JMJD1C: variants seen among roughly 807,000 people sequenced by gnomAD.
JMJD1C encodes the protein jumonji domain-containing protein 1C.
A neutral mutation model predicts 245.3 loss-of-function variants in JMJD1C; 31 were observed. That is an observed-to-expected ratio of 0.13 (90% CI 0.09 to 0.17). JMJD1C has a LOEUF of 0.17. JMJD1C is among the 10% of genes least tolerant of loss of function. JMJD1C has a pLI of 1.00. For synonymous variants in JMJD1C, 1,057 were observed against 1,017.4 expected (o/e 1.04, Z -0.74); for missense variants, 2,691 against 3,000.2 (o/e 0.90, Z 2.41).
At chr10:63,401,325 A>G (rs910950510) in intron 1 of JMJD1C, among the ~76,000 whole-genome samples, 2 of 152,182 alleles carry the variant, frequency 1.3e-5, no homozygotes, top group Non-Finnish European at 2.9e-5. Context: ...AAAAGACTTA[A>G]TATTCCTTGT....
At chr10:63,377,232 G>A (rs1946813230) in intron 2 of JMJD1C, among the ~76,000 whole-genome samples, 1 of 152,126 alleles carries the variant, frequency 6.6e-6, no homozygotes, top group African/African-American at 2.4e-5. Context: ...GTAGAATGGT[G>A]GGCCAGGAAG....
intron 1 of JMJD1C, among the ~76,000 whole-genome samples, chr10:63,408,367 C>A (rs1282296352): frequency 6.6e-6 from 1 of 151,742 alleles, no homozygotes; most frequent in African/African-American, 2.4e-5. Flanking sequence ...CGCGCCATTG[C>A]ACTCCAGCCT....
intron 3 of JMJD1C, among the ~76,000 whole-genome samples, chr10:63,229,907 A>T (rs145778233): frequency 1.1e-3 from 172 of 152,342 alleles, no homozygotes; most frequent in African/African-American, 4.1e-3. Flanking sequence ...AGGCTATTTT[A>T]AAAAACCCAA....
intron 1 of JMJD1C, among the ~76,000 whole-genome samples, chr10:63,397,821 CCA>C (rs1230392240): frequency 1.3e-5 from 2 of 152,166 alleles, no homozygotes; most frequent in African/African-American, 4.8e-5. Context: ...CAGGCATGAA[CCA>C]CAGTGTCTGG....
chr10:63,229,688 G>C (rs902381646), intron 3 of JMJD1C, among the ~76,000 whole-genome samples: 1 of 152,142 alleles, frequency 6.6e-6, no homozygotes, highest in Admixed American at 6.6e-5. Context: ...AAATCAGAAT[G>C]ATGTTTAGAT....
chr10:63,357,270 T>C (rs1944925979), intron 2 of JMJD1C, among the ~76,000 whole-genome samples: 1 of 152,040 alleles, frequency 6.6e-6, no homozygotes, highest in South Asian at 2.1e-4. Context: ...CTTGACCTCA[T>C]GGTCACACAA....
chr10:63,277,760 CAG>C (rs1359796263), intron 2 of JMJD1C, among the ~76,000 whole-genome samples: 27 of 38,152 alleles, frequency 7.1e-4, no homozygotes, highest in Non-Finnish European at 1.3e-3. Context: ...TTTTTTGAGA[CAG>C]AGTCTTGCTC....
chr10:63,224,144 C>T (rs1848968913), intron 3 of JMJD1C, among the ~76,000 whole-genome samples: 1 of 152,188 alleles, frequency 6.6e-6, no homozygotes. Context: ...CATTAATTAT[C>T]TAGCGGAAAT....
chr10:63,380,830 T>C (rs1337681423), intron 1 of JMJD1C, among the ~76,000 whole-genome samples: 3 of 152,198 alleles, frequency 2.0e-5, no homozygotes, highest in Non-Finnish European at 4.4e-5. Context: ...GGAATGTAAA[T>C]TAGTACCTCC....
intron 2 of JMJD1C, among the ~76,000 whole-genome samples, chr10:63,285,221 T>G (rs10995492): frequency 0.078 from 11,897 of 152,118 alleles, 703 homozygotes; most frequent in East Asian, 0.29. Flanking sequence ...ATTAATGACT[T>G]AACAACACCT....
At chr10:63,427,223 C>T (rs1201675100) in intron 1 of JMJD1C, 4 of 167,402 alleles carry the variant, frequency 2.4e-5, no homozygotes, top group East Asian at 1.6e-4. Context: ...CGCCGAGCTC[C>T]GGTCCCCGCG....
intron 2 of JMJD1C, among the ~76,000 whole-genome samples, chr10:63,365,543 G>A (rs1945761947): frequency 6.6e-6 from 1 of 152,138 alleles, no homozygotes; most frequent in South Asian, 2.1e-4. Flanking sequence ...GGCTGAGGCA[G>A]GTGGATCACG....
intron 2 of JMJD1C, among the ~76,000 whole-genome samples, chr10:63,279,741 G>A (rs1380514608): frequency 6.6e-6 from 1 of 152,208 alleles, no homozygotes; most frequent in African/African-American, 2.4e-5. Context: ...AGATGACAAA[G>A]CAAGACCCTG....
At chr10:63,460,891 A>G (rs1368692581) in intron 1 of JMJD1C, among the ~76,000 whole-genome samples, 4 of 152,196 alleles carry the variant, frequency 2.6e-5, no homozygotes, top group African/African-American at 9.7e-5. Context: ...GAATGAAAAC[A>G]TTCCCTATTT....
chr10:63,193,970 T>A (rs1008242608), intron 14 of JMJD1C, among the ~76,000 whole-genome samples: 3 of 152,202 alleles, frequency 2.0e-5, no homozygotes, highest in African/African-American at 7.2e-5. Flanking sequence ...CCAGCCAAAT[T>A]TATGTTCTCT....
At chr10:63,183,167 A>C (rs565805180) in intron 22 of JMJD1C, among the ~76,000 whole-genome samples, 2 of 152,292 alleles carry the variant, frequency 1.3e-5, no homozygotes, top group South Asian at 4.1e-4. Context: ...AGCCTCAATA[A>C]ATGTTTACAA....
Position 63,197,499 on chromosome 10 carries a change from T to C in JMJD1C, c.5556A>G (p.Thr1852=). 2 of 1,609,866 alleles carry C rather than the reference T, an allele frequency of 1.2e-6. No individual in the cohort carries two copies. Among genetic ancestry groups the C allele is most frequent in the Non-Finnish European group, 1.7e-6 (2 of 1,178,752 alleles). ...GGCAGACCCAGTGAATGTTAAACAA[T>C]GTTGCTTCACATGCATCACACATCT... The part of the protein sequence containing the change: ...VREMCDACEA[T]LFNIHWVCQK... Residue 1852 remains threonine, a synonymous_variant, in exon 13 of 26, where the codon ACA becomes ACG. Coordinates refer to ENST00000399262, the MANE Select transcript of JMJD1C (RefSeq NM_032776.3).
chr10:63,234,512 A>AAAAAAC (rs1850455434), intron 3 of JMJD1C, among the ~76,000 whole-genome samples: 1 of 149,868 alleles, frequency 6.7e-6, no homozygotes, highest in African/African-American at 2.5e-5. Flanking sequence ...AAAAAAAAAA[A>AAAAAAC]AAAAAAAAAC....
chr10:63,482,524 T>C (rs1953861431), intron 1 of JMJD1C, among the ~76,000 whole-genome samples: 1 of 152,000 alleles, frequency 6.6e-6, no homozygotes, highest in Non-Finnish European at 1.5e-5. Flanking sequence ...TAGTCCTAGC[T>C]ACTCAGGAGG....
Sources: gnomAD v4.1 joint callset for allele counts (sites outside exome capture counted in the v4.1 genomes callset) on GRCh38, gnomAD v4.1.1 for gene constraint, MANE v1.5 for transcripts, NCBI Gene and HGNC (gene_info 2026-07-23, HGNC 2026-07-21) for gene names.